The following MAP7D1 variants were observed in gnomAD, a reference collection of about 807,000 sequenced individuals.
The protein encoded by MAP7D1 is MAP7 domain containing 1.
In MAP7D1, 30 loss-of-function variants were observed where a neutral mutation model predicts 97.5. The observed-to-expected ratio is 0.31, with a 90% CI of 0.23 to 0.42. The LOEUF (loss-of-function observed/expected upper bound fraction) is 0.42, where lower values mean the gene tolerates loss of function less well. MAP7D1 is among the 10% of genes least tolerant of loss of function. The pLI, the probability that MAP7D1 is intolerant of heterozygous loss-of-function variation, is 1.00. For missense variants in MAP7D1, 1,184 were observed against 1,179.5 expected (o/e 1.00, Z -0.06); for synonymous variants, 536 against 477.1 (o/e 1.12, Z -1.61).
intron 6 of MAP7D1, among the ~76,000 whole-genome samples, chr1:36,175,478 CCA>C (rs1340159178): frequency 6.6e-6 from 1 of 152,218 alleles, no homozygotes; most frequent in Non-Finnish European, 1.5e-5. Flanking sequence ...CTTCAGAGCC[CCA>C]GTCATGGCCT....
chr1:36,160,525 C>T (rs1466311414), intron 1 of MAP7D1, among the ~76,000 whole-genome samples: 1 of 152,234 alleles, frequency 6.6e-6, no homozygotes, highest in East Asian at 1.9e-4. Flanking sequence ...TTGTTCCTCA[C>T]CACAGTCTCA....
intron 12 of MAP7D1, 78 bp downstream of exon 12, chr1:36,179,103 G>A: frequency 7.3e-6 from 11 of 1,508,422 alleles, no homozygotes; most frequent in African/African-American, 1.4e-5. Flanking sequence ...GGCTTAGAGC[G>A]GACAGGACGG....
chr1:36,156,256 G>A lies in MAP7D1; in HGVS notation c.-162G>A, dbSNP rs988287072. 6 of 480,856 alleles carry A rather than the reference G, an allele frequency of 1.2e-5. No individual in the cohort carries two copies. The highest frequency in any genetic ancestry group is 2.0e-5 in the African/African-American group (1 of 49,046). The allele number at this position is 480,856 out of a possible 1,614,324, so 29.8% of individuals were successfully genotyped here. On this transcript the variant is annotated 5_prime_UTR_variant, in exon 1 of 17. Transcript: ENST00000474796. ...GGCGACCGGCACCTCCGAGACTCGCGGGCCACCTGCCTCGACCTTCCCCGG... is the reference window on the plus strand; with the variant it reads ...GGCGACCGGCACCTCCGAGACTCGCAGGCCACCTGCCTCGACCTTCCCCGG...
Position 36,172,594 on chromosome 1 carries a change from G to A in MAP7D1, c.591G>A (p.Glu197=), listed in dbSNP as rs1173374307. ...CCGAGCAACGCCGTGCAGCCCTGGA[G>A]GAACGGCAGCGGCAGAAGCTCGAGA... ...LKAEQRRAAL[E]ERQRQKLEKN... is the part of the protein sequence containing the mutation. Residue 197 remains glutamate (E), a synonymous_variant, in exon 4 of 17, where the codon GAG becomes GAA. Transcript: ENST00000474796. 2 of 1,576,252 alleles carry A rather than the reference G, an allele frequency of 1.3e-6. No individual in the cohort carries two copies. Among genetic ancestry groups the A allele is most frequent in the Non-Finnish European group, 8.7e-7 (1 of 1,150,872 alleles).
intron 13 of MAP7D1, 43 bp downstream of exon 13, chr1:36,179,358 G>T (rs752053650): frequency 6.2e-7 from 1 of 1,610,092 alleles, no homozygotes; most frequent in South Asian, 1.1e-5. Flanking sequence ...TGGGGGGCAG[G>T]GTGTGAAAAG....
chr1:36,179,408 CTG>C, intron 13 of MAP7D1, 93 bp downstream of exon 13: 4 of 1,579,654 alleles, frequency 2.5e-6, no homozygotes, highest in Non-Finnish European at 2.6e-6. Context: ...GAGAGCGAGG[CTG>C]TCAGGGAGGC....
rs777638419 is a variant in MAP7D1 at position 36,171,275 on chromosome 1, A to C, written c.351A>C (p.Pro117=). 4 of 1,587,380 alleles carry C rather than the reference A, an allele frequency of 2.5e-6. No homozygotes were observed. The South Asian group carries it at 4.6e-5, about 18-fold the overall frequency. ...CTCGAAGGAGCAGCCAGCCATCTCC[A>C]ACAGCAGTGCCAGCCTCCGACAGCC... ...RPPRRSSQPS[P]TAVPASDSPP... is the part of the protein sequence containing the mutation. The change falls in exon 2 of 17, where the codon CCA becomes CCC. Residue 117 remains proline, a synonymous_variant. Coordinates refer to ENST00000474796, the MANE Select transcript of MAP7D1 (RefSeq NM_001388490.1).
chr1:36,175,051 G>C (rs780309441), intron 6 of MAP7D1, 43 bp downstream of exon 6: 4 of 1,353,288 alleles, frequency 3.0e-6, no homozygotes, highest in Non-Finnish European at 4.2e-6. Context: ...GCCCCTTGTA[G>C]CTCCCACCAA....
intron 1 of MAP7D1, among the ~76,000 whole-genome samples, chr1:36,158,285 T>TC (rs1644364308): frequency 6.6e-6 from 1 of 151,894 alleles, no homozygotes; most frequent in Non-Finnish European, 1.5e-5. Flanking sequence ...TGGTGGCAGT[T>TC]CCCCACACAG....
chr1:36,178,978 G>A lies in MAP7D1; in HGVS notation c.2083G>A (p.Glu695Lys). The change falls in exon 12 of 17, where the codon GAA (glutamate) becomes AAA (lysine). Residue 695 changes from glutamate (E) to lysine (K), a missense_variant. By Grantham distance (56) the Glu-to-Lys change is moderately conservative. Transcript: ENST00000474796. ...EEAERQRLER[E>K]KHFQQQEQER... ...GGCGGAGCGGCAGCGTCTGGAGCGG[G>A]AAAAGCACTTCCAGCAGCAGGAGCA... 6.5e-7 allele frequency: 1 copy of A among 1,535,980 alleles called. No homozygotes were observed. The highest frequency in any genetic ancestry group is 8.8e-7 in the Non-Finnish European group (1 of 1,138,492).
At chr1:36,178,292 TG>T in intron 9 of MAP7D1, 91 bp downstream of exon 9, 1 of 1,473,504 alleles carries the variant, frequency 6.8e-7, no homozygotes, top group South Asian at 1.4e-5. Flanking sequence ...GCCTGAGGAC[TG>T]GGAGTGGGAC....
chr1:36,169,725 G>A (rs1374318605), intron 1 of MAP7D1, among the ~76,000 whole-genome samples: 1 of 152,218 alleles, frequency 6.6e-6, no homozygotes, highest in East Asian at 1.9e-4. Context: ...TGGGAGACCA[G>A]GAGGCTTCAT....
At chr1:36,166,680 C>T (rs780220354) in intron 1 of MAP7D1, among the ~76,000 whole-genome samples, 17 of 152,296 alleles carry the variant, frequency 1.1e-4, no homozygotes, top group South Asian at 4.1e-4. Flanking sequence ...TGAGCCACCG[C>T]ACCCGGCCAA....
chr1:36,178,636 C>A, intron 10 of MAP7D1, 40 bp downstream of exon 10: 1 of 1,542,834 alleles, frequency 6.5e-7, no homozygotes, highest in Non-Finnish European at 8.7e-7. Flanking sequence ...CTCGTGGGCG[C>A]TGGAGAAGAA....
intron 1 of MAP7D1, among the ~76,000 whole-genome samples, chr1:36,156,844 C>T (rs1235149352): frequency 2.0e-5 from 3 of 152,198 alleles, no homozygotes; most frequent in Non-Finnish European, 4.4e-5. Flanking sequence ...CTTCCCCATC[C>T]CCCGTGGCAC....
intron 1 of MAP7D1, among the ~76,000 whole-genome samples, chr1:36,170,579 A>G (rs1275985679): frequency 6.6e-6 from 1 of 152,178 alleles, no homozygotes; most frequent in African/African-American, 2.4e-5. Flanking sequence ...GCCCCTTCGC[A>G]TATACTCTTC....
At chr1:36,177,147 G>A (rs1468875740) in intron 8 of MAP7D1, among the ~76,000 whole-genome samples, 5 of 152,144 alleles carry the variant, frequency 3.3e-5, no homozygotes, top group East Asian at 3.9e-4. Flanking sequence ...TGGGGGTTTC[G>A]CTACGTTGTC....
In MAP7D1 at chr1:36,159,267, G is replaced by A. The variant is rs765703849; in HGVS notation, c.46+2804G>A. 2.0e-5 allele frequency among the ~76,000 whole-genome samples: 3 copies of A among 152,008 alleles called. No individual in the cohort carries two copies. Among genetic ancestry groups the A allele is most frequent in the South Asian group, 4.1e-4 (2 of 4,824 alleles). ...GAGACAGGGTTTTGCCACATTGGCC[G>A]GGCTGGTCTCGAACTCCTGACCTCG... On this transcript the variant is annotated intron_variant, in intron 1 of 16. Coordinates refer to ENST00000474796, the MANE Select transcript of MAP7D1 (RefSeq NM_001388490.1). The surrounding 1 kb of genome is among the most constrained non-coding windows in gnomAD (Gnocchi z 5.4).
Position 36,176,467 on chromosome 1 carries a change from C to T in MAP7D1, c.1119C>T (p.Cys373=), listed in dbSNP as rs1644624019. 3 of 1,479,586 alleles carry T rather than the reference C, an allele frequency of 2.0e-6. No individual in the cohort carries two copies. The highest frequency in any genetic ancestry group is 1.2e-5 in the South Asian group (1 of 80,088). 91.7% of individuals were successfully genotyped at this position (1,479,586 alleles called of 1,614,324 possible). Residue 373 remains cysteine, a synonymous_variant, in exon 7 of 17, where the codon TGC becomes TGT. Transcript: ENST00000474796. The surrounding 1 kb of genome is among the most constrained non-coding windows in gnomAD (Gnocchi z 6.1). The part of the protein sequence containing the change: ...RSASASPLTP[C]SVTRSVHRCA... The stretch of plus-strand genomic sequence containing the variant: ...CCTCCGCCAGCCCCCTGACGCCGTG[C>T]AGCGTCACCCGAAGCGTGCACCGCT...
Sources: allele counts gnomAD v4.1 joint callset (sites outside exome capture counted in the v4.1 genomes callset), GRCh38; gene constraint gnomAD v4.1.1; non-coding constraint Gnocchi (gnomAD v3.1); transcripts MANE v1.5; gene names NCBI Gene and HGNC (gene_info 2026-07-23, HGNC 2026-07-21).